The following AFAP1L2 variants were observed in gnomAD, a reference collection of about 807,000 sequenced individuals.
AFAP1L2 encodes the protein actin filament-associated protein 1-like 2.
In AFAP1L2, 46 loss-of-function variants were observed where a neutral mutation model predicts 99.3. The observed-to-expected ratio is 0.46, with a 90% CI of 0.37 to 0.59. The LOEUF (loss-of-function observed/expected upper bound fraction) is 0.59. AFAP1L2 is among the 20% of genes least tolerant of loss of function. The probability of loss-of-function intolerance (pLI) is 0.00; values close to 1 mark genes in which losing one functional copy is unlikely to be tolerated. For synonymous variants in AFAP1L2, 397 were observed against 419.1 expected, an observed-to-expected ratio of 0.95 and a Z score of 0.64; for missense variants, 959 against 1,034.9, an observed-to-expected ratio of 0.93 and a Z score of 1.01.
intron 1 of AFAP1L2, among the ~76,000 whole-genome samples, chr10:114,357,477 C>T (rs927466242): frequency 6.6e-6 from 1 of 152,198 alleles, no homozygotes; most frequent in Non-Finnish European, 1.5e-5. Flanking sequence ...GTCCCAATCT[C>T]ACAGTACCCT....
intron 1 of AFAP1L2, among the ~76,000 whole-genome samples, chr10:114,365,435 A>T (rs1330180586): frequency 2.6e-5 from 4 of 152,200 alleles, no homozygotes; most frequent in South Asian, 2.1e-4. Context: ...TAATTTTTTT[A>T]AATTTTACTA....
downstream of AFAP1L2, chr10:114,290,431 C>A: frequency 6.5e-7 from 1 of 1,534,776 alleles, no homozygotes; most frequent in Non-Finnish European, 8.8e-7. Flanking sequence ...CCAAGTCCCA[C>A]AAACTCAGCT....
rs1273109577 is a variant in AFAP1L2, at chr10:114,295,406, C to CTT, written c.*634_*635dup. Reference sequence around the variant, plus strand: ...CCTTGGACTGGAAAGAAGTCTTTAACTTAGTGGGATTAGTGCTTCAGCTTG... The same window carrying CTT: ...CCTTGGACTGGAAAGAAGTCTTTAACTTTTAGTGGGATTAGTGCTTCAGCTTG... On this transcript the variant is annotated 3_prime_UTR_variant, in exon 19 of 19. Transcript: ENST00000304129. 12 of 985,798 alleles carry CTT rather than the reference C, an allele frequency of 1.2e-5. No homozygotes were observed. Among genetic ancestry groups the CTT allele is most frequent in the Middle Eastern group, 5.2e-4 (1 of 1,914 alleles). The allele number at this position is 985,798 out of a possible 1,614,324, so 61.1% of individuals were successfully genotyped here. A position where few individuals can be genotyped will look rare whatever the true frequency, so the allele number is the denominator to read the frequency against.
chr10:114,373,019 TTTC>T (rs2054323830), intron 1 of AFAP1L2, among the ~76,000 whole-genome samples: 1 of 152,308 alleles, frequency 6.6e-6, no homozygotes, highest in Middle Eastern at 3.4e-3. Flanking sequence ...AATATATCCT[TTTC>T]TTCATAAAAT....
the AFAP1L2 span, chr10:114,288,916 G>A: frequency 1.9e-6 from 3 of 1,581,388 alleles, no homozygotes; most frequent in Non-Finnish European, 1.7e-6. Context: ...CACTGCTGAA[G>A]CCCCTCTGCT....
At chr10:114,350,814 G>C (rs2050358406) in intron 1 of AFAP1L2, among the ~76,000 whole-genome samples, 1 of 152,194 alleles carries the variant, frequency 6.6e-6, no homozygotes, top group African/African-American at 2.4e-5. Flanking sequence ...CCCGACCCCT[G>C]AGGCACTCCA....
the AFAP1L2 span, chr10:114,289,773 C>A: frequency 2.1e-6 from 1 of 477,302 alleles, no homozygotes. Flanking sequence ...TTAGAATATC[C>A]ACAAGCTTCC....
chr10:114,282,581 G>A, the AFAP1L2 span: 2 of 1,613,538 alleles, frequency 1.2e-6, no homozygotes, highest in African/African-American at 2.7e-5. Context: ...GGTATGGTCT[G>A]TCTCTTGGAT....
intron 10 of AFAP1L2, among the ~76,000 whole-genome samples, chr10:114,307,064 G>T (rs1484503231): frequency 6.6e-6 from 1 of 152,168 alleles, no homozygotes. Context: ...CCCGCTTGGG[G>T]ATCAAGATAC....
chr10:114,307,761 C>T, intron 10 of AFAP1L2, 44 bp downstream of exon 10: 1 of 1,555,278 alleles, frequency 6.4e-7, no homozygotes, highest in East Asian at 2.2e-5. Flanking sequence ...AGGTTCCAGC[C>T]CAGGAAATGA....
intron 1 of AFAP1L2, among the ~76,000 whole-genome samples, chr10:114,390,711 ACT>A (rs1000027226): frequency 1.9e-5 from 2 of 102,932 alleles, no homozygotes; most frequent in South Asian, 4.2e-4. Flanking sequence ...ACAGGGCGAG[ACT>A]CTGTCTCAAA....
intron 1 of AFAP1L2, among the ~76,000 whole-genome samples, chr10:114,392,015 G>C (rs1255231641): frequency 1.3e-5 from 2 of 152,152 alleles, no homozygotes; most frequent in African/African-American, 4.8e-5. Flanking sequence ...ACAGGTCCTG[G>C]TTCAGGGGTC....
Position 114,295,274 on chromosome 10 carries a change from CAA to C in AFAP1L2, c.*766_*767del, listed in dbSNP as rs1005750685. 4.1e-6 allele frequency: 4 copies of C among 984,854 alleles called. No individual in the cohort carries two copies. The African/African-American group carries it at 7.0e-5, about 17-fold the overall frequency. The allele number at this position is 984,854 out of a possible 1,614,324, so 61.0% of individuals were successfully genotyped here. A position where few individuals can be genotyped will look rare whatever the true frequency, so the allele number is the denominator to read the frequency against. On this transcript the variant is annotated 3_prime_UTR_variant, in exon 19 of 19. Coordinates refer to ENST00000304129, the MANE Select transcript of AFAP1L2 (RefSeq NM_001001936.3). Reference sequence around the variant, plus strand: ...CTACAGTAAAGAGTCACTTTAATCTCAAAAGATACTTTTCACTGTTCTAAATG... The same window carrying C: ...CTACAGTAAAGAGTCACTTTAATCTCAAGATACTTTTCACTGTTCTAAATG...
At chr10:114,399,614 G>A (rs1273248335) in intron 1 of AFAP1L2, among the ~76,000 whole-genome samples, 1 of 152,118 alleles carries the variant, frequency 6.6e-6, no homozygotes, top group African/African-American at 2.4e-5. Context: ...GTGAATAATG[G>A]TCCGTGTTGC....
At chr10:114,360,070 G>A (rs1335371081) in intron 1 of AFAP1L2, among the ~76,000 whole-genome samples, 2 of 152,188 alleles carry the variant, frequency 1.3e-5, no homozygotes, top group Non-Finnish European at 2.9e-5. Flanking sequence ...GGATGTGCTG[G>A]TGAGGATGTT....
intron 12 of AFAP1L2, 200 bp downstream of exon 12, chr10:114,302,139 T>C (rs2041305055): frequency 2.6e-6 from 2 of 757,246 alleles, no homozygotes; most frequent in Non-Finnish European, 4.2e-6. Context: ...GAAGCCTGGC[T>C]CGGCTCCTTG....
intron 1 of AFAP1L2, among the ~76,000 whole-genome samples, chr10:114,388,917 A>G (rs894101932): frequency 1.3e-5 from 2 of 152,206 alleles, no homozygotes; most frequent in African/African-American, 4.8e-5. Flanking sequence ...TAAAGGATGG[A>G]CAGGTTGGAT....
rs564348674 is a variant in AFAP1L2, at chr10:114,397,029, C to A, written c.16+7411G>T. On this transcript the variant is annotated intron_variant, in intron 1 of 18. Coordinates refer to ENST00000304129, the MANE Select transcript of AFAP1L2 (RefSeq NM_001001936.3). ...GTTGCTAATTACAACCCATGATACC[C>A]AACCTTGACCTTGAACCTTCATCTT... is the stretch of plus-strand genomic sequence containing the variant. 5.9e-5 allele frequency among the ~76,000 whole-genome samples: 9 copies of A among 152,268 alleles called. No homozygotes were observed. In the East Asian group the frequency reaches 1.5e-3, roughly 26 times the overall value.
At chr10:114,290,914 C>G (rs941158476), downstream of AFAP1L2, among the ~76,000 whole-genome samples, 5 of 152,102 alleles carry the variant, frequency 3.3e-5, no homozygotes, top group Non-Finnish European at 7.4e-5. Context: ...AGAGAGTGAT[C>G]GTTGGGAGGC....
Sources: allele counts gnomAD v4.1 joint callset (sites outside exome capture counted in the v4.1 genomes callset), GRCh38; gene constraint gnomAD v4.1.1; transcripts MANE v1.5; gene names NCBI Gene and HGNC (gene_info 2026-07-23, HGNC 2026-07-21).